RBM26: variants seen among roughly 807,000 people sequenced by gnomAD.
RBM26 encodes RNA binding motif protein 26.
RBM26 carries 30 observed loss-of-function variants against 123.6 expected under a neutral mutation model. That is an observed-to-expected ratio of 0.24 (90% CI 0.18 to 0.33). The LOEUF (loss-of-function observed/expected upper bound fraction) is 0.33, where lower values mean the gene tolerates loss of function less well. Among genes scored for constraint, RBM26 ranks in the 10% least tolerant of loss-of-function variants. RBM26 has a pLI of 1.00. For missense variants in RBM26, 947 were observed against 1,203.6 expected, an observed-to-expected ratio of 0.79 and a Z score of 3.15; for synonymous variants, 400 against 404.4, an observed-to-expected ratio of 0.99 and a Z score of 0.13.
chr13:79,336,750 C>T (rs1173885028), intron 19 of RBM26, among the ~76,000 whole-genome samples: 1 of 152,120 alleles, frequency 6.6e-6, no homozygotes, highest in Non-Finnish European at 1.5e-5. Context: ...CAAACACAAA[C>T]CTTATTTTAA....
intron 6 of RBM26, among the ~76,000 whole-genome samples, chr13:79,367,106 T>C (rs1191956177): frequency 1.3e-5 from 2 of 152,030 alleles, no homozygotes; most frequent in Non-Finnish European, 2.9e-5. Context: ...CCAAATCTCA[T>C]GTTGAAATGT....
chr13:79,366,965 A>C, intron 6 of RBM26, 93 bp from the exon 7 acceptor site: 8 of 1,017,288 alleles, frequency 7.9e-6, no homozygotes, highest in Non-Finnish European at 1.1e-5. Context: ...TAAAAATATG[A>C]ATATTTTTAA....
In RBM26 at chr13:79,367,406, C is replaced by CAAAAAAAAA. The variant is rs776345304; in HGVS notation, c.896-543_896-535dup. ...TGGGGTATAGGGGGAGACTCCATCT[C>CAAAAAAAAA]AAAAAAAAAAAAAAAAAAAAAAAAA... On this transcript the variant is annotated intron_variant, in intron 6 of 21. Coordinates refer to ENST00000438737, the MANE Select transcript of RBM26 (RefSeq NM_001366735.2). Among the ~76,000 whole-genome samples the CAAAAAAAAA allele has an allele frequency of 1.2e-3, 49 of 39,660 alleles. 5 individuals carry two copies. Among genetic ancestry groups the CAAAAAAAAA allele is most frequent in the East Asian group, 3.3e-3 (2 of 606 alleles). 26.0% of individuals were successfully genotyped at this position (39,660 alleles called of 152,430 possible).
At chr13:79,400,171 A>C (rs918667521) in intron 1 of RBM26, among the ~76,000 whole-genome samples, 2 of 152,212 alleles carry the variant, frequency 1.3e-5, no homozygotes, top group Non-Finnish European at 2.9e-5. Context: ...GTTTTTAAGA[A>C]CCACTGGCAT....
intron 11 of RBM26, among the ~76,000 whole-genome samples, chr13:79,356,007 A>G (rs1341091602): frequency 1.3e-5 from 2 of 152,238 alleles, no homozygotes; most frequent in Admixed American, 1.3e-4. Flanking sequence ...TTTCAATAAT[A>G]GAGTTTTCCA....
chr13:79,326,446 T>C (rs923345773), intron 20 of RBM26, among the ~76,000 whole-genome samples: 11 of 151,962 alleles, frequency 7.2e-5, no homozygotes, highest in Non-Finnish European at 1.6e-4. Flanking sequence ...TGGACCTAAA[T>C]GTAAAAATCC....
At chr13:79,355,857 C>CA (rs5805026) in intron 11 of RBM26, among the ~76,000 whole-genome samples, 36 of 151,106 alleles carry the variant, frequency 2.4e-4, no homozygotes, top group South Asian at 4.2e-4. Flanking sequence ...AATTTAAGAA[C>CA]AAAAAAAAAG....
At chr13:79,347,853 C>T (rs752437837) in intron 14 of RBM26, among the ~76,000 whole-genome samples, 2 of 152,038 alleles carry the variant, frequency 1.3e-5, no homozygotes, top group South Asian at 2.1e-4. Flanking sequence ...TCTTTCCCAA[C>T]CTCAAGGAAA....
At chr13:79,388,636 T>A (rs748856054) in intron 1 of RBM26, among the ~76,000 whole-genome samples, 3 of 152,234 alleles carry the variant, frequency 2.0e-5, no homozygotes, top group Non-Finnish European at 4.4e-5. Context: ...TTTGGCTGTT[T>A]AATGTCATCA....
At chr13:79,398,708 GA>G (rs966453215) in intron 1 of RBM26, among the ~76,000 whole-genome samples, 196 of 149,462 alleles carry the variant, frequency 1.3e-3, no homozygotes, top group Admixed American at 3.2e-3. Flanking sequence ...CCCTCTCAAA[GA>G]AAAAAAAAAT....
chr13:79,372,856 A>AATATTTT lies in RBM26; in HGVS notation c.328-927_328-926insAAAATAT. 2.3e-5 allele frequency among the ~76,000 whole-genome samples: 2 copies of AATATTTT among 87,264 alleles called. 1 individual carries two copies. The highest frequency in any genetic ancestry group is 4.3e-5 in the Non-Finnish European group (2 of 47,048). The allele number at this position is 87,264 out of a possible 152,430, so 57.2% of individuals were successfully genotyped here. ...ATATAAATATATTATATATTATATA[A>AATATTTT]ATATAAATATATTTATAATATTTTA... On this transcript the variant is annotated intron_variant, in intron 3 of 21. Coordinates refer to ENST00000438737, the MANE Select transcript of RBM26 (RefSeq NM_001366735.2).
downstream of RBM26, chr13:79,314,906 A>G: frequency 1.1e-6 from 1 of 926,558 alleles, no homozygotes; most frequent in South Asian, 1.5e-5. Flanking sequence ...TAATAGGATG[A>G]TATTATTGTA....
At chr13:79,363,787 G>A (rs937612757) in intron 9 of RBM26, among the ~76,000 whole-genome samples, 1 of 152,104 alleles carries the variant, frequency 6.6e-6, no homozygotes, top group African/African-American at 2.4e-5. Flanking sequence ...CCTAGCATGT[G>A]AATGGATCTA....
intron 20 of RBM26, among the ~76,000 whole-genome samples, chr13:79,330,522 A>G (rs1293006452): frequency 6.6e-6 from 1 of 152,188 alleles, no homozygotes; most frequent in Non-Finnish European, 1.5e-5. Flanking sequence ...TCTTGCAGAA[A>G]CAGTGTTTTG....
At chr13:79,355,612 G>A (rs1198562213) in intron 11 of RBM26, among the ~76,000 whole-genome samples, 2 of 152,100 alleles carry the variant, frequency 1.3e-5, no homozygotes, top group African/African-American at 2.4e-5. Flanking sequence ...AGAGAAAGTC[G>A]ACTGCATAAA....
chr13:79,319,802 A>G lies in RBM26; in HGVS notation c.*819T>C. ...CATTATTGTAAGGGTACCAGTAACC[A>G]TTATTATTAAGAATAAGTTAGTGAT... On this transcript the variant is annotated 3_prime_UTR_variant, in exon 22 of 22. Transcript: ENST00000438737. 1 of 977,558 alleles carries G rather than the reference A, an allele frequency of 1.0e-6. No individual in the cohort carries two copies. The highest frequency in any genetic ancestry group is 1.2e-6 in the Non-Finnish European group (1 of 823,106). 60.6% of individuals were successfully genotyped at this position (977,558 alleles called of 1,614,324 possible).
At position 79,373,565 on chromosome 13, in the gene RBM26, T is replaced by C. The variant is rs1284264859; in HGVS notation, c.328-1635A>G. The stretch of plus-strand genomic sequence containing the variant: ...ATATATTTATATATTACTATATATA[T>C]TTATATAATATATTTATATATTACT... On this transcript the variant is annotated intron_variant, in intron 3 of 21. Coordinates refer to ENST00000438737, the MANE Select transcript of RBM26 (RefSeq NM_001366735.2). 7.3e-5 allele frequency among the ~76,000 whole-genome samples: 8 copies of C among 109,746 alleles called. No homozygotes were observed. The East Asian group carries it at 1.8e-3, about 25-fold the overall frequency. 72.0% of individuals were successfully genotyped at this position (109,746 alleles called of 152,430 possible).
Position 79,355,298 on chromosome 13 carries a change from T to C in RBM26, c.1776A>G (p.Ala592=), listed in dbSNP as rs1420738654. Residue 592 remains alanine (A), a synonymous_variant, in exon 12 of 22, where the codon GCA becomes GCG. Coordinates refer to ENST00000438737, the MANE Select transcript of RBM26 (RefSeq NM_001366735.2). ...CCTTAATAAAGCGATTGTTTAATACTGCTTCCGTACTTGATATTGCTTTCT... is the reference window on the plus strand; with the variant it reads ...CCTTAATAAAGCGATTGTTTAATACCGCTTCCGTACTTGATATTGCTTTCT... ...EAKKAISSTE[A]VLNNRFIKVY... 1 of 1,613,846 alleles carries C rather than the reference T, an allele frequency of 6.2e-7. No homozygotes were observed. Among genetic ancestry groups the C allele is most frequent in the Non-Finnish European group, 8.5e-7 (1 of 1,179,816 alleles).
chr13:79,322,171 C>A, intron 21 of RBM26, 178 bp downstream of exon 21: 1 of 412,552 alleles, frequency 2.4e-6, no homozygotes, highest in Non-Finnish European at 4.3e-6. Context: ...ATTAGCAATC[C>A]ACATTTCTTC....
Sources: allele counts gnomAD v4.1 joint callset (sites outside exome capture counted in the v4.1 genomes callset), GRCh38; gene constraint gnomAD v4.1.1; transcripts MANE v1.5; gene names NCBI Gene and HGNC (gene_info 2026-07-23, HGNC 2026-07-21).